ACKR3: variants seen among roughly 807,000 people sequenced by gnomAD.
ACKR3 encodes C-X-C chemokine receptor type 7.
In ACKR3, 6 loss-of-function variants were observed where a neutral mutation model predicts 22.4. The ratio of observed to expected loss-of-function variants is 0.27; its 90% confidence interval spans 0.15 to 0.53. The LOEUF (loss-of-function observed/expected upper bound fraction) is 0.53, where lower values mean the gene tolerates loss of function less well. Ranked by LOEUF, ACKR3 falls within the 20% of genes least tolerant of loss-of-function variation. The pLI is 0.96. For synonymous variants in ACKR3, 209 were observed against 205.2 expected, an observed-to-expected ratio of 1.02 and a Z score of -0.16; for missense variants, 396 against 475.2, an observed-to-expected ratio of 0.83 and a Z score of 1.55.
the ACKR3 span, among the ~76,000 whole-genome samples, chr2:236,548,998 A>G: frequency 6.6e-6 from 1 of 152,252 alleles, no homozygotes; most frequent in Non-Finnish European, 1.5e-5. This position sits in a 1 kb window ranked among gnomAD's most constrained non-coding sequence, Gnocchi z 4.3. Flanking sequence ...AAATTGGCAT[A>G]GTTTAATTAA....
the ACKR3 span, among the ~76,000 whole-genome samples, chr2:236,544,839 T>C: frequency 1.3e-5 from 2 of 152,000 alleles, no homozygotes; most frequent in African/African-American, 2.4e-5. The surrounding 1 kb of genome is among the most constrained non-coding windows in gnomAD (Gnocchi z 5.0). Flanking sequence ...AGACACGGAG[T>C]GCAGGCAATT....
At chr2:236,552,133 A>AAAATGTGCT in the ACKR3 span, among the ~76,000 whole-genome samples, 1 of 152,238 alleles carries the variant, frequency 6.6e-6, no homozygotes, top group Non-Finnish European at 1.5e-5. Flanking sequence ...AGGAAGACCC[A>AAAATGTGCT]GGGGATTTCC....
chr2:236,546,578 C>G, the ACKR3 span, among the ~76,000 whole-genome samples: 1 of 152,218 alleles, frequency 6.6e-6, no homozygotes, highest in African/African-American at 2.4e-5. The surrounding 1 kb of genome is among the most constrained non-coding windows in gnomAD (Gnocchi z 4.9). Flanking sequence ...AGAGGGCGCT[C>G]AGGCCTGCCA....
intron 1 of ACKR3, among the ~76,000 whole-genome samples, chr2:236,578,893 G>A (rs1691465928): frequency 1.3e-5 from 2 of 152,214 alleles, no homozygotes; most frequent in Non-Finnish European, 2.9e-5. Context: ...TCCCTTAGGT[G>A]GGAGAATCCC....
At chr2:236,554,245 T>C in the ACKR3 span, among the ~76,000 whole-genome samples, 1 of 152,142 alleles carries the variant, frequency 6.6e-6, no homozygotes, top group Non-Finnish European at 1.5e-5. Context: ...ATGTGGAGCA[T>C]CACTAAGGAT....
intron 1 of ACKR3, among the ~76,000 whole-genome samples, chr2:236,570,880 C>G (rs1559471001): frequency 1.3e-5 from 2 of 152,130 alleles, no homozygotes; most frequent in Non-Finnish European, 2.9e-5. Flanking sequence ...TTGCTCACAA[C>G]AGGATTACTT....
chr2:236,543,880 T>C, the ACKR3 span, among the ~76,000 whole-genome samples: 4 of 145,964 alleles, frequency 2.7e-5, no homozygotes, highest in South Asian at 6.7e-4. Flanking sequence ...ACGAATTGAA[T>C]TGTGCTTGTT....
At chr2:236,573,161 AACACACAG>A (rs1018473441) in intron 1 of ACKR3, among the ~76,000 whole-genome samples, 3 of 152,168 alleles carry the variant, frequency 2.0e-5, no homozygotes, top group South Asian at 2.1e-4. Flanking sequence ...ATTGGTTAAA[AACACACAG>A]ACACACAGAC....
Position 236,580,509 on chromosome 2 carries a change from C to G in ACKR3, c.44C>G (p.Ser15Trp). 1.9e-6 allele frequency: 3 copies of G among 1,614,172 alleles called. No homozygotes were observed. The highest frequency in any genetic ancestry group is 2.5e-6 in the Non-Finnish European group (3 of 1,179,992). The change falls in exon 2 of 2, where the codon TCG becomes TGG. Residue 15 changes from serine (S) to tryptophan (W), a missense_variant. Coordinates refer to ENST00000272928, the MANE Select transcript of ACKR3 (RefSeq NM_020311.3). The stretch of plus-strand genomic sequence containing the variant: ...GACTACTCAGAGCCAGGGAACTTCT[C>G]GGACATCAGCTGGCCATGCAACAGC... ...LFDYSEPGNF[S>W]DISWPCNSSD...
At chr2:236,552,288 G>A in the ACKR3 span, among the ~76,000 whole-genome samples, 9 of 152,174 alleles carry the variant, frequency 5.9e-5, no homozygotes, top group African/African-American at 7.2e-5. Flanking sequence ...TGAGGGCGTC[G>A]GAGGGGACAG....
At chr2:236,541,848 T>C in the ACKR3 span, among the ~76,000 whole-genome samples, 1 of 152,220 alleles carries the variant, frequency 6.6e-6, no homozygotes, top group African/African-American at 2.4e-5. Context: ...CTGCACATGC[T>C]CTGTTGTCTG....
At chr2:236,556,633 G>A in the ACKR3 span, among the ~76,000 whole-genome samples, 3 of 152,210 alleles carry the variant, frequency 2.0e-5, no homozygotes, top group Non-Finnish European at 4.4e-5. Context: ...CAGCCCTGCT[G>A]GCACATTGAT....
the ACKR3 span, among the ~76,000 whole-genome samples, chr2:236,546,214 G>A: frequency 3.3e-5 from 5 of 152,242 alleles, no homozygotes; most frequent in East Asian, 1.9e-4. The surrounding 1 kb of genome is among the most constrained non-coding windows in gnomAD (Gnocchi z 4.9). Flanking sequence ...TTTTTACATC[G>A]TTGTAGGCAC....
At chr2:236,537,416 T>A in the ACKR3 span, among the ~76,000 whole-genome samples, 1 of 152,182 alleles carries the variant, frequency 6.6e-6, no homozygotes, top group Non-Finnish European at 1.5e-5. Context: ...TGGGGCAGTG[T>A]CTCAGCCTCT....
upstream of ACKR3, among the ~76,000 whole-genome samples, chr2:236,565,725 G>A (rs771495432): frequency 1.3e-5 from 2 of 152,178 alleles, no homozygotes; most frequent in Non-Finnish European, 2.9e-5. Flanking sequence ...AGAGGAGGGA[G>A]GTAGACTTTT....
the ACKR3 span, among the ~76,000 whole-genome samples, chr2:236,561,771 C>T: frequency 2.6e-5 from 4 of 152,198 alleles, no homozygotes; most frequent in African/African-American, 4.8e-5. Context: ...GGATTACAGG[C>T]GTGAGCCACT....
chr2:236,552,849 T>C, the ACKR3 span, among the ~76,000 whole-genome samples: 2 of 152,186 alleles, frequency 1.3e-5, no homozygotes, highest in East Asian at 3.9e-4. Context: ...TGGCCACTTG[T>C]ACGGGCCTCT....
chr2:236,580,443 A>G lies in ACKR3; in HGVS notation c.-23A>G. On this transcript the variant is annotated 5_prime_UTR_variant, in exon 2 of 2. Coordinates refer to ENST00000272928, the MANE Select transcript of ACKR3 (RefSeq NM_020311.3). ...TGTTTGCTTGGTTTTCTCATAGGTC[A>G]TTTGATTGCCCGCCTCAGAACGATG... 6.3e-7 allele frequency: 1 copy of G among 1,592,506 alleles called. No individual in the cohort carries two copies. Among genetic ancestry groups the G allele is most frequent in the Non-Finnish European group, 8.6e-7 (1 of 1,163,958 alleles).
At position 236,574,319 on chromosome 2, in the gene ACKR3, G is replaced by GTAGCTGTA. The variant is rs1183339721; in HGVS notation, c.-27+4412_-27+4419dup. Among the ~76,000 whole-genome samples, 2 of 152,162 alleles carry GTAGCTGTA rather than the reference G, an allele frequency of 1.3e-5. No individual in the cohort carries two copies. Among genetic ancestry groups the GTAGCTGTA allele is most frequent in the Non-Finnish European group, 2.9e-5 (2 of 68,038 alleles). ...CATTGAGTACCTACTATGTGCAGCTGTAGCTGTATAGCTGTATAGCTGTAG... is the reference window on the plus strand; with the variant it reads ...CATTGAGTACCTACTATGTGCAGCTGTAGCTGTATAGCTGTATAGCTGTATAGCTGTAG... On this transcript the variant is annotated intron_variant, in intron 1 of 1. Transcript: ENST00000272928. The surrounding 1 kb of genome is among the most constrained non-coding windows in gnomAD (Gnocchi z 5.6).
Sources: allele counts gnomAD v4.1 joint callset (sites outside exome capture counted in the v4.1 genomes callset), GRCh38; gene constraint gnomAD v4.1.1; non-coding constraint Gnocchi (gnomAD v3.1); transcripts MANE v1.5; gene names NCBI Gene and HGNC (gene_info 2026-07-23, HGNC 2026-07-21).